FAM168B: variants seen among roughly 807,000 people sequenced by gnomAD.
FAM168B encodes myelin-associated neurite-outgrowth inhibitor.
Under a neutral mutation model 21.8 loss-of-function variants are expected in FAM168B, and 19 were observed. The ratio of observed to expected loss-of-function variants is 0.87; its 90% CI spans 0.61 to 1.28. The LOEUF (loss-of-function observed/expected upper bound fraction) is 1.28, where lower values mean the gene tolerates loss of function less well. FAM168B is among the 50% of genes most tolerant of loss of function. The pLI is 0.00. For synonymous variants in FAM168B, 126 were observed against 104.8 expected (o/e 1.20, Z -1.24); for missense variants, 233 against 263.1 (o/e 0.89, Z 0.79).
chr2:131,069,054 T>C (rs1247631037), intron 3 of FAM168B, among the ~76,000 whole-genome samples: 1 of 152,134 alleles, frequency 6.6e-6, no homozygotes, highest in Admixed American at 6.6e-5. Context: ...TTCCACAGGG[T>C]GGCCCCCACA....
intron 2 of FAM168B, among the ~76,000 whole-genome samples, chr2:131,081,851 G>GTT (rs1693448624): frequency 6.6e-6 from 1 of 152,148 alleles, no homozygotes; most frequent in Admixed American, 6.6e-5. Context: ...TGCAAGTTCA[G>GTT]TTATACATTT....
In FAM168B at chr2:131,055,322, T is replaced by C. The variant is rs771793214; in HGVS notation, c.425A>G (p.Asn142Ser). The stretch of plus-strand genomic sequence containing the variant: ...AGCCACCATGCCCATGGTGACCCCG[T>C]TGCCTCTAGGAGGGGGGATGGGAGC... ...YPAPIPPPRG[N>S]GVTMGMVAGT... The change falls in exon 5 of 7, where the codon AAC becomes AGC. Residue 142 changes from asparagine (N) to serine (S), a missense_variant. By Grantham distance (46) the Asn-to-Ser change is conservative. Coordinates refer to ENST00000389915, the MANE Select transcript of FAM168B (RefSeq NM_001009993.4). 4.4e-6 allele frequency: 7 copies of C among 1,584,518 alleles called. No individual in the cohort carries two copies. Among genetic ancestry groups the C allele is most frequent in the Admixed American group, 2.0e-5 (1 of 50,316 alleles).
intron 1 of FAM168B, among the ~76,000 whole-genome samples, chr2:131,092,053 A>G (rs1194360138): frequency 6.6e-6 from 1 of 151,600 alleles, no homozygotes; most frequent in African/African-American, 2.4e-5. Flanking sequence ...CTGAGGCAAA[A>G]GACTGACGTG....
rs907485605 is a variant in FAM168B, at chr2:131,049,382, G to A, written c.*3083C>T. On this transcript the variant is annotated 3_prime_UTR_variant, in exon 7 of 7. Coordinates refer to ENST00000389915, the MANE Select transcript of FAM168B (RefSeq NM_001009993.4). Reference sequence around the variant, plus strand: ...ACTCAAGAAGGTTTCCCAGAATAGCGACAGGTAGGCCTACAAACCACACCA... The same window carrying A: ...ACTCAAGAAGGTTTCCCAGAATAGCAACAGGTAGGCCTACAAACCACACCA... The A allele has an allele frequency of 2.4e-5, 24 of 985,316 alleles. No individual in the cohort carries two copies. In the East Asian group the frequency reaches 1.2e-3, roughly 51 times the overall value. The allele number at this position is 985,316 out of a possible 1,614,324, so 61.0% of individuals were successfully genotyped here.
In FAM168B at chr2:131,082,853, A is replaced by T. The variant is rs1010649640; in HGVS notation, c.-11-196T>A. Among the ~76,000 whole-genome samples the T allele has an allele frequency of 7.9e-5, 12 of 152,188 alleles. No individual in the cohort carries two copies. In the East Asian group the frequency reaches 2.3e-3, roughly 29 times the overall value. On this transcript the variant is annotated intron_variant, in intron 1 of 6. Transcript: ENST00000389915. ...AATGGGTGCCAAACCAGGGCATGAT[A>T]AACTTTTTTTCACAATTCTCCTCAG...
In FAM168B at chr2:131,048,915, A is replaced by G; in HGVS notation, c.*3550T>C. 3.0e-6 allele frequency: 3 copies of G among 986,058 alleles called. No homozygotes were observed. Among genetic ancestry groups the G allele is most frequent in the Non-Finnish European group, 3.6e-6 (3 of 830,084 alleles). The allele number at this position is 986,058 out of a possible 1,614,324, so 61.1% of individuals were successfully genotyped here. ...AACAGCCAAACTGGCGACAATGGAC[A>G]CATCCAACAGTCAGCTGTCGGATAA... On this transcript the variant is annotated 3_prime_UTR_variant, in exon 7 of 7. Coordinates refer to ENST00000389915, the MANE Select transcript of FAM168B (RefSeq NM_001009993.4).
At chr2:131,085,713 A>C (rs920233071) in intron 1 of FAM168B, among the ~76,000 whole-genome samples, 1 of 152,122 alleles carries the variant, frequency 6.6e-6, no homozygotes, top group African/African-American at 2.4e-5. Context: ...TGAACTGTCT[A>C]ATTTTTTTAA....
In FAM168B at chr2:131,050,951, G is replaced by A. The variant is rs566563556; in HGVS notation, c.*1514C>T. On this transcript the variant is annotated 3_prime_UTR_variant, in exon 7 of 7. Coordinates refer to ENST00000389915, the MANE Select transcript of FAM168B (RefSeq NM_001009993.4). Reference sequence around the variant, plus strand: ...CCCACTCTGACCCTCACTGAGAACCGACATGCACTCTCATGGATACAGGAC... The same window carrying A: ...CCCACTCTGACCCTCACTGAGAACCAACATGCACTCTCATGGATACAGGAC... 81 of 985,590 alleles carry A rather than the reference G, an allele frequency of 8.2e-5. No individual in the cohort carries two copies. The Admixed American group carries it at 1.2e-3, about 15-fold the overall frequency. 61.1% of individuals were successfully genotyped at this position (985,590 alleles called of 1,614,324 possible).
At chr2:131,078,113 G>C (rs1693253383) in intron 2 of FAM168B, among the ~76,000 whole-genome samples, 1 of 152,188 alleles carries the variant, frequency 6.6e-6, no homozygotes, top group Admixed American at 6.5e-5. Context: ...CACTGCGTGA[G>C]ACAGTTAATG....
chr2:131,072,399 T>C (rs1400007903), intron 2 of FAM168B, among the ~76,000 whole-genome samples: 2 of 151,766 alleles, frequency 1.3e-5, no homozygotes, highest in Non-Finnish European at 2.9e-5. Flanking sequence ...GCTGGGATTA[T>C]AGGTGTGAGC....
chr2:131,063,531 C>T (rs1464995608), intron 3 of FAM168B, among the ~76,000 whole-genome samples: 1 of 152,196 alleles, frequency 6.6e-6, no homozygotes. Context: ...GTAATCCCAA[C>T]ACTTTAGAAG....
At chr2:131,083,935 C>T (rs1019004261) in intron 1 of FAM168B, among the ~76,000 whole-genome samples, 3 of 152,008 alleles carry the variant, frequency 2.0e-5, no homozygotes, top group African/African-American at 2.4e-5. Flanking sequence ...GACGGAGTCT[C>T]GCTCTGTCGC....
intron 3 of FAM168B, among the ~76,000 whole-genome samples, chr2:131,060,972 C>A (rs1692262836): frequency 1.3e-5 from 2 of 151,796 alleles, no homozygotes; most frequent in East Asian, 3.9e-4. Flanking sequence ...CTGCCTCAGT[C>A]TCCTGAGTAG....
In FAM168B at chr2:131,052,980, C is replaced by G; in HGVS notation, c.511G>C (p.Ala171Pro). Residue 171 changes from alanine to proline, a missense_variant, in exon 6 of 7, where the codon GCC becomes CCC. Ala to Pro is a conservative substitution (Grantham distance 27). Transcript: ENST00000389915. The stretch of plus-strand genomic sequence containing the variant: ...GTGGGCACAGTGACCGGGTGGGGGG[C>G]GACAGGAGTTGGGGAGTGAGCAGTC... ...LLTAHSPTPV[A>P]PHPVTVPTYR... is the part of the protein sequence containing the mutation. 6.4e-7 allele frequency: 1 copy of G among 1,557,046 alleles called. No individual in the cohort carries two copies. The highest frequency in any genetic ancestry group is 1.4e-5 in the African/African-American group (1 of 73,416).
rs756518344 is a variant in FAM168B, at chr2:131,055,598, C to T, written c.252G>A (p.Val84=). The change falls in exon 4 of 7, where the codon GTG becomes GTA. Residue 84 remains valine, a synonymous_variant. Transcript: ENST00000389915. ...SSSPNPYQTA[V]YPVRSAYPQQ... ...GGGGGTAGGCACTTCGCACAGGGTA[C>T]ACGGCAGTCTGGTAGGGGTTCGGGG... 1 of 1,610,518 alleles carries T rather than the reference C, an allele frequency of 6.2e-7. No individual in the cohort carries two copies. Among genetic ancestry groups the T allele is most frequent in the Non-Finnish European group, 8.5e-7 (1 of 1,178,344 alleles).
chr2:131,091,819 T>C (rs1694045390), intron 1 of FAM168B, among the ~76,000 whole-genome samples: 2 of 151,632 alleles, frequency 1.3e-5, no homozygotes, highest in Non-Finnish European at 2.9e-5. Context: ...TCTATTACGC[T>C]GGTGTACTGT....
chr2:131,052,994 G>T lies in FAM168B; in HGVS notation c.497C>A (p.Ser166Tyr). The T allele has an allele frequency of 6.4e-7, 1 of 1,554,688 alleles. No homozygotes were observed. The highest frequency in any genetic ancestry group is 8.7e-7 in the Non-Finnish European group (1 of 1,148,722). Reference sequence around the variant, plus strand: ...CGGGTGGGGGGCGACAGGAGTTGGGGAGTGAGCAGTCAGCAGGGTACCTGG... The same window carrying T: ...CGGGTGGGGGGCGACAGGAGTTGGGTAGTGAGCAGTCAGCAGGGTACCTGG... The part of the protein sequence containing the change: ...MSAGTLLTAH[S>Y]PTPVAPHPVT... Residue 166 changes from serine (S) to tyrosine (Y), a missense_variant, in exon 6 of 7, where the codon TCC becomes TAC. Physicochemically the swap from Ser to Tyr is moderately radical, Grantham distance 144. Coordinates refer to ENST00000389915, the MANE Select transcript of FAM168B (RefSeq NM_001009993.4).
At chr2:131,054,128 G>A (rs995085124) in intron 5 of FAM168B, among the ~76,000 whole-genome samples, 1 of 151,474 alleles carries the variant, frequency 6.6e-6, no homozygotes, top group Admixed American at 6.6e-5. Context: ...AAAATCACTT[G>A]AACCTAGGAG....
chr2:131,049,967 G>T lies in FAM168B; in HGVS notation c.*2498C>A. 4 of 985,412 alleles carry T rather than the reference G, an allele frequency of 4.1e-6. No individual in the cohort carries two copies. The highest frequency in any genetic ancestry group is 9.4e-5 in the South Asian group (2 of 21,290). 61.0% of individuals were successfully genotyped at this position (985,412 alleles called of 1,614,324 possible). A position where few individuals can be genotyped will look rare whatever the true frequency, so the allele number is the denominator to read the frequency against. On this transcript the variant is annotated 3_prime_UTR_variant, in exon 7 of 7. Coordinates refer to ENST00000389915, the MANE Select transcript of FAM168B (RefSeq NM_001009993.4). ...GATTCTTACCTGATATCTACCTTTC[G>T]TATCTGACAGCTGACGTCCTAAAAA... is the stretch of plus-strand genomic sequence containing the variant.
Sources: allele counts gnomAD v4.1 joint callset (sites outside exome capture counted in the v4.1 genomes callset), GRCh38; gene constraint gnomAD v4.1.1; transcripts MANE v1.5; gene names NCBI Gene and HGNC (gene_info 2026-07-23, HGNC 2026-07-21).